The following CCSER1 variants were observed in gnomAD, a reference collection of about 807,000 sequenced individuals.
The protein encoded by CCSER1 is coiled-coil serine rich protein 1, also known as serine-rich coiled-coil domain-containing protein 1.
A neutral mutation model predicts 82.0 loss-of-function variants in CCSER1; 41 were observed. The ratio of observed to expected loss-of-function variants is 0.50; its 90% CI spans 0.39 to 0.65. The LOEUF (loss-of-function observed/expected upper bound fraction) is 0.65, where lower values mean the gene tolerates loss of function less well. CCSER1 is among the 30% of genes least tolerant of loss of function. The pLI is 0.00. For missense variants in CCSER1, 1,119 were observed against 1,064.2 expected (o/e 1.05, Z -0.72); for synonymous variants, 414 against 383.9 (o/e 1.08, Z -0.92).
At chr4:91,258,212 A>T (rs1740843675) in intron 10 of CCSER1, among the ~76,000 whole-genome samples, 1 of 152,114 alleles carries the variant, frequency 6.6e-6, no homozygotes, top group Admixed American at 6.6e-5. Flanking sequence ...TATTTTTTTC[A>T]CAATGTGAGA....
chr4:90,440,314 A>G (rs536440030), intron 4 of CCSER1, among the ~76,000 whole-genome samples: 58 of 152,292 alleles, frequency 3.8e-4, no homozygotes, highest in African/African-American at 1.4e-3. Context: ...CCATAGGAAT[A>G]TTTTAAATTT....
At chr4:91,471,709 G>A (rs556905212) in intron 10 of CCSER1, among the ~76,000 whole-genome samples, 1 of 152,100 alleles carries the variant, frequency 6.6e-6, no homozygotes, top group Admixed American at 6.5e-5. Context: ...TTTTGTGTGT[G>A]TTGCATAAGG....
chr4:91,225,322 AT>A (rs1245230579), intron 10 of CCSER1, among the ~76,000 whole-genome samples: 1 of 127,976 alleles, frequency 7.8e-6, no homozygotes, highest in Non-Finnish European at 1.6e-5. Flanking sequence ...TGTAATATAT[AT>A]GTATATATAT....
intron 1 of CCSER1, among the ~76,000 whole-genome samples, chr4:90,203,954 T>G (rs1023011126): frequency 6.6e-6 from 1 of 152,188 alleles, no homozygotes; most frequent in African/African-American, 2.4e-5. Flanking sequence ...GATTATGAGC[T>G]TTTTTTCCTA....
At chr4:90,145,914 T>C (rs1725715474) in intron 1 of CCSER1, among the ~76,000 whole-genome samples, 1 of 152,054 alleles carries the variant, frequency 6.6e-6, no homozygotes, top group East Asian at 1.9e-4. Flanking sequence ...TACCTTTTTT[T>C]CCCTGTGACA....
intron 9 of CCSER1, among the ~76,000 whole-genome samples, chr4:91,047,903 C>A (rs1350096659): frequency 5.3e-5 from 8 of 151,986 alleles, no homozygotes; most frequent in Non-Finnish European, 1.2e-4. Flanking sequence ...TTCAATTAAT[C>A]TAAATCATAC....
intron 4 of CCSER1, among the ~76,000 whole-genome samples, chr4:90,401,305 C>T (rs892017125): frequency 2.0e-5 from 3 of 152,078 alleles, no homozygotes; most frequent in African/African-American, 7.2e-5. Context: ...TTAGATCCAA[C>T]AACTTAACTT....
At chr4:90,750,890 G>A (rs1349137988) in intron 7 of CCSER1, among the ~76,000 whole-genome samples, 2 of 152,068 alleles carry the variant, frequency 1.3e-5, no homozygotes, top group Non-Finnish European at 2.9e-5. Flanking sequence ...TGTTTAAGAA[G>A]AGATCTGATT....
At chr4:90,130,486 C>A (rs1164816229) in intron 1 of CCSER1, among the ~76,000 whole-genome samples, 1 of 152,072 alleles carries the variant, frequency 6.6e-6, no homozygotes, top group Non-Finnish European at 1.5e-5. Context: ...GTATAAGATG[C>A]AAGTCTCCTG....
chr4:90,488,512 T>A (rs1767484945), intron 5 of CCSER1, among the ~76,000 whole-genome samples: 1 of 152,138 alleles, frequency 6.6e-6, no homozygotes, highest in Non-Finnish European at 1.5e-5. Context: ...TTAATATATT[T>A]CAATCAAGAA....
chr4:90,694,797 GGTGT>G lies in CCSER1; in HGVS notation c.1933-29090_1933-29087del, dbSNP rs112192037. ...TTCTCAATGCACGATGTGTGTGTGG[GGTGT>G]GTGTGTGTGTGTGTGTGTGTGTGTG... On this transcript the variant is annotated intron_variant, in intron 6 of 10. Coordinates refer to ENST00000509176, the MANE Select transcript of CCSER1 (RefSeq NM_001145065.2). Among the ~76,000 whole-genome samples, 199 of 145,416 alleles carry G rather than the reference GGTGT, an allele frequency of 1.4e-3. 1 individual carries two copies. Among genetic ancestry groups the G allele is most frequent in the South Asian group, 4.3e-3 (20 of 4,660 alleles).
chr4:90,715,652 AC>A (rs1741503596), intron 6 of CCSER1, among the ~76,000 whole-genome samples: 1 of 152,006 alleles, frequency 6.6e-6, no homozygotes, highest in South Asian at 2.1e-4. Context: ...AGGAGGGTGA[AC>A]CAGAGCTTTT....
At chr4:90,825,731 CT>C (rs747896341) in intron 8 of CCSER1, among the ~76,000 whole-genome samples, 266 of 124,278 alleles carry the variant, frequency 2.1e-3, no homozygotes, top group South Asian at 6.8e-3. Context: ...TTTGTTGTTG[CT>C]TTTTTTTTTT....
In CCSER1 at chr4:91,292,587, T is replaced by TTTTGC. The variant is rs559260203; in HGVS notation, c.2217+206601_2217+206605dup. 3.9e-5 allele frequency among the ~76,000 whole-genome samples: 6 copies of TTTTGC among 152,138 alleles called. No homozygotes were observed. In the South Asian group the frequency reaches 1.2e-3, roughly 32 times the overall value. On this transcript the variant is annotated intron_variant, in intron 10 of 10. Transcript: ENST00000509176. ...ATAAATATAGATAATTTTTGTTTTG[T>TTTTGC]TTTGCTTTGCTTCTTAAAGAACAAG...
chr4:91,362,937 C>T (rs1749347599), intron 10 of CCSER1, among the ~76,000 whole-genome samples: 1 of 151,694 alleles, frequency 6.6e-6, no homozygotes. Context: ...ACAGGGTGAA[C>T]TCCTGAAAAA....
chr4:90,666,066 C>T (rs1477969955), intron 6 of CCSER1, among the ~76,000 whole-genome samples: 1 of 152,108 alleles, frequency 6.6e-6, no homozygotes, highest in East Asian at 1.9e-4. Flanking sequence ...CCTCAATCTT[C>T]AAACCGGCAG....
intron 10 of CCSER1, among the ~76,000 whole-genome samples, chr4:91,181,374 C>T (rs1364524390): frequency 2.0e-5 from 3 of 152,226 alleles, no homozygotes; most frequent in African/African-American, 7.2e-5. Context: ...TAATGGGTTA[C>T]TAGCTGCTAA....
At chr4:90,356,712 T>A (rs1448874475) in intron 3 of CCSER1, among the ~76,000 whole-genome samples, 1 of 151,892 alleles carries the variant, frequency 6.6e-6, no homozygotes, top group Admixed American at 6.6e-5. Context: ...CGTTTATGTA[T>A]CCAATACTGA....
chr4:90,308,078 A>G (rs925027024), intron 1 of CCSER1, among the ~76,000 whole-genome samples, 166 bp from the exon 2 acceptor site: 3 of 152,172 alleles, frequency 2.0e-5, no homozygotes, highest in Non-Finnish European at 4.4e-5. Flanking sequence ...CATTTTTACT[A>G]CTTATAAATT....
Sources: gnomAD v4.1 joint callset for allele counts (sites outside exome capture counted in the v4.1 genomes callset) on GRCh38, gnomAD v4.1.1 for gene constraint, MANE v1.5 for transcripts, NCBI Gene and HGNC (gene_info 2026-07-23, HGNC 2026-07-21) for gene names.